Variants in TRPM3 observed in about 807,000 individuals in gnomAD.
TRPM3 encodes the protein transient receptor potential cation channel subfamily M member 3.
A neutral mutation model predicts 181.2 loss-of-function variants in TRPM3; 77 were observed. The ratio of observed to expected loss-of-function variants is 0.42; its 90% CI spans 0.35 to 0.51. TRPM3 has a LOEUF of 0.51. Among genes scored for constraint, TRPM3 ranks in the 20% least tolerant of loss-of-function variants. The pLI is 0.01. For missense variants in TRPM3, 1,759 were observed against 2,196.7 expected, an observed-to-expected ratio of 0.80 and a Z score of 3.98; for synonymous variants, 745 against 796.4, an observed-to-expected ratio of 0.94 and a Z score of 1.09.
chr9:71,141,352 A>G (rs1221903311), intron 1 of TRPM3, among the ~76,000 whole-genome samples: 1 of 152,198 alleles, frequency 6.6e-6, no homozygotes, highest in Non-Finnish European at 1.5e-5. Flanking sequence ...AAAAATAAAA[A>G]AAAATAAAAT....
intron 1 of TRPM3, among the ~76,000 whole-genome samples, chr9:71,007,109 AAAAG>A (rs2097687985): frequency 1.3e-5 from 2 of 150,326 alleles, no homozygotes; most frequent in African/African-American, 2.4e-5. Flanking sequence ...AAAAAAAAGA[AAAAG>A]AAAGGGCCAT....
At chr9:71,149,019 T>C (rs2075585538) in intron 1 of TRPM3, among the ~76,000 whole-genome samples, 1 of 152,062 alleles carries the variant, frequency 6.6e-6, no homozygotes, top group African/African-American at 2.4e-5. Flanking sequence ...TAGAGATATA[T>C]GCAAAGATAG....
intron 9 of TRPM3, among the ~76,000 whole-genome samples, chr9:70,672,736 G>T (rs1295294455): frequency 6.6e-6 from 1 of 151,878 alleles, no homozygotes; most frequent in Non-Finnish European, 1.5e-5. Flanking sequence ...TTAAGTTCTG[G>T]TGCATTCAGG....
intron 9 of TRPM3, among the ~76,000 whole-genome samples, chr9:70,674,031 T>C (rs2063503467): frequency 6.6e-6 from 1 of 151,444 alleles, no homozygotes; most frequent in Non-Finnish European, 1.5e-5. Flanking sequence ...ATTGGCCTTA[T>C]GAGGGATATA....
At chr9:71,191,753 T>A (rs2078034407) in intron 1 of TRPM3, among the ~76,000 whole-genome samples, 1 of 150,864 alleles carries the variant, frequency 6.6e-6, no homozygotes, top group African/African-American at 2.4e-5. Flanking sequence ...ATTATAAGTT[T>A]AATCTGTACA....
At position 71,254,427 on chromosome 9, in the gene TRPM3, C is replaced by T. The variant is rs904922388; in HGVS notation, c.183+192226G>A. 5.9e-5 allele frequency among the ~76,000 whole-genome samples: 9 copies of T among 152,090 alleles called. No individual in the cohort carries two copies. The South Asian group carries it at 1.5e-3, about 25-fold the overall frequency. On this transcript the variant is annotated intron_variant, in intron 1 of 24. Transcript: ENST00000357533. ...AGTTCAGGAAATCTGCTGTACAACA[C>T]GGTGACTTAGTCGGCAACAACGTAT... is the stretch of plus-strand genomic sequence containing the variant.
At chr9:70,663,795 C>A (rs1341271789) in intron 9 of TRPM3, among the ~76,000 whole-genome samples, 1 of 152,112 alleles carries the variant, frequency 6.6e-6, no homozygotes, top group East Asian at 1.9e-4. Flanking sequence ...CTATCTGACG[C>A]AATTCTGATC....
At chr9:71,014,627 G>A (rs1215315208) in intron 1 of TRPM3, among the ~76,000 whole-genome samples, 1 of 152,048 alleles carries the variant, frequency 6.6e-6, no homozygotes, top group African/African-American at 2.4e-5. Context: ...TTTGGGCCCT[G>A]AATTCTATGC....
chr9:71,372,574 T>C (rs1419341478), intron 1 of TRPM3, among the ~76,000 whole-genome samples: 1 of 152,200 alleles, frequency 6.6e-6, no homozygotes, highest in African/African-American at 2.4e-5. Flanking sequence ...TATCTCATTG[T>C]GGTTTTAATT....
chr9:71,324,158 G>C (rs1239671412), intron 1 of TRPM3, among the ~76,000 whole-genome samples: 1 of 152,068 alleles, frequency 6.6e-6, no homozygotes, highest in Non-Finnish European at 1.5e-5. Context: ...TCTATAGATA[G>C]ATTAGATAGA....
intron 1 of TRPM3, among the ~76,000 whole-genome samples, chr9:71,328,354 G>A (rs2089863461): frequency 6.6e-6 from 1 of 152,064 alleles, no homozygotes; most frequent in Admixed American, 6.5e-5. Context: ...TTTTAGTAGA[G>A]ACGGGGTTTC....
intron 1 of TRPM3, among the ~76,000 whole-genome samples, chr9:71,095,758 C>CAAAAAAAAAAAA (rs34934062): frequency 1.2e-5 from 1 of 85,302 alleles, no homozygotes; most frequent in African/African-American, 4.3e-5. Context: ...GACTCTGTGT[C>CAAAAAAAAAAAA]AAAAAAAAAA....
At chr9:71,159,105 T>TAGAG (rs140356660) in intron 1 of TRPM3, among the ~76,000 whole-genome samples, 37,174 of 143,836 alleles carry the variant, frequency 0.26, 4,731 homozygotes, top group Admixed American at 0.33. Context: ...TATATATATT[T>TAGAG]AGAGAGAGAG....
At chr9:71,293,908 G>C (rs11142787) in intron 1 of TRPM3, among the ~76,000 whole-genome samples, 41,310 of 151,694 alleles carry the variant, frequency 0.27, 5,600 homozygotes, top group Non-Finnish European at 0.28. Flanking sequence ...TAAGATAGAG[G>C]TGGTATTGCA....
chr9:71,219,934 T>C (rs1382899822), intron 1 of TRPM3, among the ~76,000 whole-genome samples: 1 of 152,224 alleles, frequency 6.6e-6, no homozygotes, highest in Non-Finnish European at 1.5e-5. Flanking sequence ...GAGATTTTTA[T>C]TGTAATTTCA....
intron 6 of TRPM3, among the ~76,000 whole-genome samples, chr9:70,797,353 T>G (rs2087398048): frequency 6.6e-6 from 1 of 152,196 alleles, no homozygotes; most frequent in Non-Finnish European, 1.5e-5. Context: ...CCTACCTGAC[T>G]TCCCTAATAT....
At chr9:70,567,404 G>A (rs1324633298) in intron 22 of TRPM3, among the ~76,000 whole-genome samples, 3 of 152,254 alleles carry the variant, frequency 2.0e-5, no homozygotes, top group African/African-American at 7.2e-5. Context: ...ACACAGCAAA[G>A]ATCAACTAAG....
intron 6 of TRPM3, among the ~76,000 whole-genome samples, chr9:70,804,735 A>C (rs552136806): frequency 2.0e-5 from 3 of 149,964 alleles, no homozygotes; most frequent in African/African-American, 7.4e-5. Context: ...TGTCTTCCCC[A>C]CGACTCTATT....
intron 1 of TRPM3, among the ~76,000 whole-genome samples, chr9:71,260,361 C>A (rs1054033118): frequency 1.3e-5 from 2 of 152,006 alleles, no homozygotes; most frequent in Non-Finnish European, 2.9e-5. Context: ...CTTGGCTATG[C>A]GGGCTCTTTT....
Sources: gnomAD v4.1 joint callset for allele counts (sites outside exome capture counted in the v4.1 genomes callset) on GRCh38, gnomAD v4.1.1 for gene constraint, MANE v1.5 for transcripts, NCBI Gene and HGNC (gene_info 2026-07-23, HGNC 2026-07-21) for gene names.